The following ST6GALNAC5 variants were observed in gnomAD, a reference collection of about 807,000 sequenced individuals.
The protein encoded by ST6GALNAC5 is ST6 N-acetylgalactosaminide alpha-2,6-sialyltransferase 5.
A neutral mutation model predicts 33.6 loss-of-function variants in ST6GALNAC5; 27 were observed. The observed-to-expected ratio is 0.80, with a 90% CI of 0.59 to 1.11. The LOEUF (loss-of-function observed/expected upper bound fraction) is 1.11. Ranked by LOEUF, ST6GALNAC5 falls within the 50% of genes least tolerant of loss-of-function variation. ST6GALNAC5 has a pLI of 0.00. For missense variants in ST6GALNAC5, 428 were observed against 454.0 expected (o/e 0.94, Z 0.52); for synonymous variants, 194 against 171.2 (o/e 1.13, Z -1.04).
intron 2 of ST6GALNAC5, among the ~76,000 whole-genome samples, chr1:77,018,940 T>G (rs1650951717): frequency 6.6e-6 from 1 of 151,372 alleles, no homozygotes. Context: ...CACAAGGGAG[T>G]CAGAGACAGG....
Position 77,044,383 on chromosome 1 carries a change from C to T in ST6GALNAC5, c.441C>T (p.Ser147=). 6.2e-7 allele frequency: 1 copy of T among 1,613,768 alleles called. No homozygotes were observed. The highest frequency in any genetic ancestry group is 8.5e-7 in the Non-Finnish European group (1 of 1,179,942). Residue 147 remains serine (S), a synonymous_variant, in exon 3 of 5, where the codon TCC becomes TCT. Coordinates refer to ENST00000477717, the MANE Select transcript of ST6GALNAC5 (RefSeq NM_030965.3). ...CCAGCCTGAGGGTCATCGCGCATTC[C>T]AGCATCCAGAGGATCCTCCGCAACC... ...NRTSLRVIAH[S]SIQRILRNRH...
chr1:76,961,648 C>A (rs1623043), intron 2 of ST6GALNAC5, among the ~76,000 whole-genome samples: 1 of 152,174 alleles, frequency 6.6e-6, no homozygotes, highest in East Asian at 1.9e-4. Flanking sequence ...TTTGCATATG[C>A]CGTTCCCACT....
chr1:76,966,783 G>A (rs1240150510), intron 2 of ST6GALNAC5, among the ~76,000 whole-genome samples: 1 of 152,190 alleles, frequency 6.6e-6, no homozygotes, highest in African/African-American at 2.4e-5. Context: ...TCAATACCTA[G>A]TTTATTGAGA....
intron 2 of ST6GALNAC5, among the ~76,000 whole-genome samples, chr1:76,874,308 C>T (rs1653577249): frequency 6.6e-6 from 1 of 152,156 alleles, no homozygotes; most frequent in Non-Finnish European, 1.5e-5. Flanking sequence ...GGGTCTTCTG[C>T]ACTTGTTAAG....
At chr1:77,047,963 G>C (rs894522160) in intron 3 of ST6GALNAC5, among the ~76,000 whole-genome samples, 2 of 152,152 alleles carry the variant, frequency 1.3e-5, no homozygotes, top group African/African-American at 4.8e-5. Flanking sequence ...GTTAGAAAAA[G>C]AGTTCAACAA....
intron 2 of ST6GALNAC5, among the ~76,000 whole-genome samples, chr1:76,950,554 A>T (rs1647702499): frequency 6.6e-6 from 1 of 152,104 alleles, no homozygotes; most frequent in Non-Finnish European, 1.5e-5. Flanking sequence ...TCTGCCCTCA[A>T]GGAGATGATA....
intron 2 of ST6GALNAC5, among the ~76,000 whole-genome samples, chr1:76,968,841 C>T: frequency 6.6e-6 from 1 of 152,166 alleles, no homozygotes; most frequent in Non-Finnish European, 1.5e-5. Flanking sequence ...ACTTATGAAG[C>T]TTAGTTTGGC....
intron 2 of ST6GALNAC5, among the ~76,000 whole-genome samples, chr1:76,987,861 T>G (rs925766715): frequency 6.6e-6 from 1 of 152,132 alleles, no homozygotes; most frequent in Non-Finnish European, 1.5e-5. Flanking sequence ...GGTGATGATC[T>G]TTTTGCGAAG....
At chr1:76,947,879 A>G (rs1326765720) in intron 2 of ST6GALNAC5, among the ~76,000 whole-genome samples, 2 of 152,146 alleles carry the variant, frequency 1.3e-5, no homozygotes, top group Admixed American at 6.5e-5. Context: ...AGATAGCCGG[A>G]GAGGATTGCC....
At chr1:77,002,653 C>T (rs910642984) in intron 2 of ST6GALNAC5, among the ~76,000 whole-genome samples, 15 of 150,986 alleles carry the variant, frequency 9.9e-5, no homozygotes, top group Non-Finnish European at 1.3e-4. Flanking sequence ...CCTCTACACA[C>T]TGCTTTGAAT....
At chr1:77,004,844 C>T (rs1650329779) in intron 2 of ST6GALNAC5, among the ~76,000 whole-genome samples, 1 of 133,142 alleles carries the variant, frequency 7.5e-6, no homozygotes, top group Non-Finnish European at 1.7e-5. Flanking sequence ...AGGCAGTCTG[C>T]CCGTTCTCAG....
intron 2 of ST6GALNAC5, among the ~76,000 whole-genome samples, chr1:76,969,753 A>G (rs1013116017): frequency 2.0e-5 from 3 of 152,090 alleles, no homozygotes; most frequent in Non-Finnish European, 4.4e-5. Context: ...CGTGTAGCCT[A>G]ACTGGGAGAG....
At chr1:76,936,059 C>A (rs1399836444) in intron 2 of ST6GALNAC5, among the ~76,000 whole-genome samples, 1 of 151,980 alleles carries the variant, frequency 6.6e-6, no homozygotes, top group Non-Finnish European at 1.5e-5. Context: ...GCACTCTGAA[C>A]CCTAGTGTAG....
chr1:76,933,710 C>T (rs188251274), intron 2 of ST6GALNAC5, among the ~76,000 whole-genome samples: 3 of 136,380 alleles, frequency 2.2e-5, no homozygotes, highest in Non-Finnish European at 3.0e-5. Context: ...GGAGAAGAGA[C>T]GTATCCTTGA....
chr1:77,018,169 C>A (rs1309775784), intron 2 of ST6GALNAC5, among the ~76,000 whole-genome samples: 2 of 152,150 alleles, frequency 1.3e-5, no homozygotes, highest in Non-Finnish European at 2.9e-5. Flanking sequence ...AAAAAGAAAG[C>A]AGGAAGGAGA....
chr1:77,049,100 G>A (rs1256501973), intron 3 of ST6GALNAC5, among the ~76,000 whole-genome samples: 1 of 152,128 alleles, frequency 6.6e-6, no homozygotes, highest in Non-Finnish European at 1.5e-5. Context: ...ATGCTGTCAG[G>A]TATTGGACAA....
At chr1:76,915,883 A>G (rs1646967536) in intron 2 of ST6GALNAC5, among the ~76,000 whole-genome samples, 2 of 130,390 alleles carry the variant, frequency 1.5e-5, no homozygotes, top group African/African-American at 6.2e-5. Flanking sequence ...AACAAAAAAA[A>G]AACAAAAAAA....
chr1:76,906,207 A>G (rs541228930), intron 2 of ST6GALNAC5, among the ~76,000 whole-genome samples: 57 of 152,318 alleles, frequency 3.7e-4, no homozygotes, highest in Non-Finnish European at 6.6e-4. Flanking sequence ...GCACTGATAT[A>G]GCTGAGTTAA....
At chr1:76,977,999 T>G (rs1649082024) in intron 2 of ST6GALNAC5, among the ~76,000 whole-genome samples, 3 of 152,210 alleles carry the variant, frequency 2.0e-5, no homozygotes, top group Admixed American at 6.5e-5. Flanking sequence ...ATTTTTTATC[T>G]TTTTGATAAC....
Sources: gnomAD v4.1 joint callset for allele counts (sites outside exome capture counted in the v4.1 genomes callset) on GRCh38, gnomAD v4.1.1 for gene constraint, MANE v1.5 for transcripts, NCBI Gene and HGNC (gene_info 2026-07-23, HGNC 2026-07-21) for gene names.